NRXN3: variants seen among roughly 807,000 people sequenced by gnomAD.
NRXN3 encodes neurexin 3, also known as neurexin III.
NRXN3 carries 32 observed loss-of-function variants against 137.6 expected under a neutral mutation model. The observed-to-expected ratio is 0.23, with a 90% CI of 0.18 to 0.31. The LOEUF (loss-of-function observed/expected upper bound fraction) is 0.31. Among genes scored for constraint, NRXN3 ranks in the 10% least tolerant of loss-of-function variants. NRXN3 has a pLI of 1.00. For missense variants in NRXN3, 1,574 were observed against 2,062.5 expected (o/e 0.76, Z 4.59); for synonymous variants, 798 against 784.5 (o/e 1.02, Z -0.29).
chr14:79,383,335 T>C (rs1453800774), intron 15 of NRXN3, among the ~76,000 whole-genome samples: 1 of 152,150 alleles, frequency 6.6e-6, no homozygotes, highest in Non-Finnish European at 1.5e-5. Flanking sequence ...TTTGATGGAA[T>C]GGACATGCAA....
chr14:78,252,052 A>G (rs1451717566), intron 2 of NRXN3, among the ~76,000 whole-genome samples: 1 of 152,190 alleles, frequency 6.6e-6, no homozygotes, highest in Non-Finnish European at 1.5e-5. Context: ...GATCTATTTA[A>G]AAACAATACG....
rs190536507 is a variant in NRXN3 at position 79,675,099 on chromosome 14, C to A, written c.3616+11150C>A. On this transcript the variant is annotated intron_variant, in intron 17 of 20. Coordinates refer to ENST00000335750, the MANE Select transcript of NRXN3 (RefSeq NM_001330195.2). Reference sequence around the variant, plus strand: ...ACGAAGTCTGAGTGGTTAAGTAACACACTCCAGTGTTGCACAGCTAGTAGG... The same window carrying A: ...ACGAAGTCTGAGTGGTTAAGTAACAAACTCCAGTGTTGCACAGCTAGTAGG... Among the ~76,000 whole-genome samples the A allele has an allele frequency of 2.3e-3, 348 of 152,148 alleles. 1 individual carries two copies. The highest frequency in any genetic ancestry group is 8.2e-3 in the African/African-American group (339 of 41,544).
chr14:79,161,266 G>A (rs2199794), intron 15 of NRXN3, among the ~76,000 whole-genome samples: 149,851 of 152,016 alleles, frequency 0.99, 73,900 homozygotes, highest in East Asian at 1. Context: ...CATCTGTGAC[G>A]TCTAATGTAA....
At chr14:79,335,556 G>C (rs1246599140) in intron 15 of NRXN3, among the ~76,000 whole-genome samples, 1 of 152,034 alleles carries the variant, frequency 6.6e-6, no homozygotes, top group South Asian at 2.1e-4. Flanking sequence ...TGAGAAAGCT[G>C]TCCTAGAATT....
chr14:78,947,511 G>A (rs1282883855), intron 10 of NRXN3, among the ~76,000 whole-genome samples: 4 of 152,190 alleles, frequency 2.6e-5, no homozygotes, highest in African/African-American at 4.8e-5. Context: ...GGTATCAAGA[G>A]CATATCACTT....
intron 15 of NRXN3, among the ~76,000 whole-genome samples, chr14:79,220,372 T>C (rs1164293803): frequency 6.6e-6 from 1 of 152,194 alleles, no homozygotes; most frequent in East Asian, 1.9e-4. Context: ...CCTCTTCCTA[T>C]GCCATCACAC....
intron 10 of NRXN3, among the ~76,000 whole-genome samples, chr14:78,865,200 C>G (rs544971767): frequency 3.3e-5 from 5 of 152,204 alleles, no homozygotes; most frequent in Admixed American, 3.3e-4. Context: ...CATGAACAAC[C>G]ATTATTAACT....
intron 7 of NRXN3, among the ~76,000 whole-genome samples, chr14:78,713,768 A>G (rs2152844869): frequency 6.6e-6 from 1 of 152,294 alleles, no homozygotes; most frequent in Non-Finnish European, 1.5e-5. Context: ...AGCCAGAGAA[A>G]TGCCAGATAC....
chr14:79,794,101 A>G (rs2099153744), intron 19 of NRXN3, among the ~76,000 whole-genome samples: 1 of 152,228 alleles, frequency 6.6e-6, no homozygotes, highest in African/African-American at 2.4e-5. Context: ...CAGGTGGCTC[A>G]CGCCTGTAAT....
chr14:78,386,512 G>A (rs2089994606), intron 4 of NRXN3, among the ~76,000 whole-genome samples: 1 of 152,110 alleles, frequency 6.6e-6, no homozygotes, highest in African/African-American at 2.4e-5. Context: ...TCTCTTATGG[G>A]TCTTAGTTTA....
chr14:79,036,459 A>C (rs368730480), intron 15 of NRXN3, among the ~76,000 whole-genome samples: 7 of 152,076 alleles, frequency 4.6e-5, no homozygotes, highest in Admixed American at 4.6e-4. Context: ...CTCTAGTTTT[A>C]TTTCCTAGAT....
chr14:79,583,669 AT>A (rs2097738611), intron 16 of NRXN3, among the ~76,000 whole-genome samples: 1 of 152,138 alleles, frequency 6.6e-6, no homozygotes, highest in Non-Finnish European at 1.5e-5. Flanking sequence ...ACTGTAAGCA[AT>A]TCCTCTAAAA....
intron 16 of NRXN3, among the ~76,000 whole-genome samples, chr14:79,525,312 C>T (rs773468417): frequency 1.3e-5 from 2 of 152,132 alleles, no homozygotes; most frequent in Admixed American, 6.5e-5. Flanking sequence ...TTTATTTATA[C>T]ATCCATTTAA....
intron 4 of NRXN3, among the ~76,000 whole-genome samples, chr14:78,447,242 G>A (rs764284335): frequency 2.0e-5 from 3 of 152,204 alleles, no homozygotes; most frequent in Non-Finnish European, 2.9e-5. Context: ...GAGTGCTGCT[G>A]ATTTCTGTGT....
At chr14:78,374,643 G>C (rs546151506) in intron 4 of NRXN3, among the ~76,000 whole-genome samples, 1 of 151,732 alleles carries the variant, frequency 6.6e-6, no homozygotes, top group South Asian at 2.1e-4. Flanking sequence ...GGTATCCTTC[G>C]CCTATAATCC....
At chr14:79,578,868 A>C (rs191395118) in intron 16 of NRXN3, among the ~76,000 whole-genome samples, 2 of 152,100 alleles carry the variant, frequency 1.3e-5, no homozygotes, top group African/African-American at 4.8e-5. Context: ...TCAAGAATCT[A>C]TATGTACAGT....
intron 4 of NRXN3, among the ~76,000 whole-genome samples, chr14:78,450,183 T>C (rs1013660263): frequency 3.9e-5 from 6 of 152,240 alleles, no homozygotes; most frequent in Non-Finnish European, 5.9e-5. Context: ...CCGCAATATC[T>C]CTAATACTGT....
intron 15 of NRXN3, among the ~76,000 whole-genome samples, chr14:79,213,541 A>G (rs372769086): frequency 7.0e-4 from 107 of 152,206 alleles, no homozygotes; most frequent in Middle Eastern, 3.4e-3. Context: ...GAGGTTCTTA[A>G]AATAGTATGT....
In NRXN3 at chr14:78,803,636, C is replaced by T; in HGVS notation, c.2061C>T (p.Ser687=). 6.2e-7 allele frequency: 1 copy of T among 1,613,888 alleles called. No individual in the cohort carries two copies. Residue 687 remains serine (S), a synonymous_variant, in exon 9 of 21, where the codon AGC becomes AGT. Coordinates refer to ENST00000335750, the MANE Select transcript of NRXN3 (RefSeq NM_001330195.2). The part of the protein sequence containing the change: ...RTCEREASIL[S]YDGSMYMKII... ...CTTTGGCAGAGGCATCCATCCTGAG[C>T]TATGATGGTAGCATGTACATGAAGA... is the stretch of plus-strand genomic sequence containing the variant.
Sources: gnomAD v4.1 joint callset for allele counts (sites outside exome capture counted in the v4.1 genomes callset) on GRCh38, gnomAD v4.1.1 for gene constraint, MANE v1.5 for transcripts, NCBI Gene and HGNC (gene_info 2026-07-23, HGNC 2026-07-21) for gene names.